The following MAGI2 variants were observed in gnomAD, a reference collection of about 807,000 sequenced individuals.
MAGI2 encodes the protein membrane associated guanylate kinase, WW and PDZ domain containing 2.
Under a neutral mutation model 133.3 loss-of-function variants are expected in MAGI2, and 35 were observed. That is an observed-to-expected ratio of 0.26 (90% confidence interval 0.20 to 0.35). MAGI2 has a LOEUF of 0.35. Among genes scored for constraint, MAGI2 ranks in the 10% least tolerant of loss-of-function variants. The pLI, the probability that MAGI2 is intolerant of heterozygous loss-of-function variation, is 1.00. For synonymous variants in MAGI2, 729 were observed against 710.6 expected (o/e 1.03, Z -0.41); for missense variants, 1,636 against 1,863.4 (o/e 0.88, Z 2.25).
rs544931399 is a variant in MAGI2, at chr7:78,721,534, A to G, written c.419-94295T>C. On this transcript the variant is annotated intron_variant, in intron 2 of 21. Transcript: ENST00000354212. ...ACAGAGGCAGGTCCCGGGTAGATGC[A>G]GAATTTTGAAAGGAACATATTGAAA... 2.6e-5 allele frequency among the ~76,000 whole-genome samples: 4 copies of G among 152,180 alleles called. No homozygotes were observed. In the South Asian group the frequency reaches 8.3e-4, roughly 31 times the overall value.
At chr7:78,885,618 T>TGAAA (rs1001087116) in intron 2 of MAGI2, among the ~76,000 whole-genome samples, 8 of 135,700 alleles carry the variant, frequency 5.9e-5, no homozygotes, top group African/African-American at 2.1e-4. Flanking sequence ...CATCCTTTAT[T>TGAAA]GAAAGGAATA....
chr7:79,042,183 T>C (rs1261717905), intron 1 of MAGI2, among the ~76,000 whole-genome samples: 1 of 152,182 alleles, frequency 6.6e-6, no homozygotes, highest in Non-Finnish European at 1.5e-5. Flanking sequence ...TGAACAAGAC[T>C]TTGCAGTTTC....
intron 2 of MAGI2, among the ~76,000 whole-genome samples, chr7:78,931,457 C>T (rs1395303051): frequency 6.6e-6 from 1 of 152,092 alleles, no homozygotes; most frequent in Non-Finnish European, 1.5e-5. Flanking sequence ...TCCTTTTCTA[C>T]TATGACAGGC....
Position 78,571,958 on chromosome 7 carries a change from T to C in MAGI2, c.539-50313A>G, listed in dbSNP as rs117399978. 5.0e-3 allele frequency among the ~76,000 whole-genome samples: 757 copies of C among 152,288 alleles called. 6 individuals are homozygous for C. The highest frequency in any genetic ancestry group is 7.4e-3 in the Non-Finnish European group (501 of 68,026). On this transcript the variant is annotated intron_variant, in intron 3 of 21. Transcript: ENST00000354212. Reference sequence around the variant, plus strand: ...ACATTCAATTTCTGATATGGCAAAGTCCTGGCACGCAGGACTTACCACTAT... The same window carrying C: ...ACATTCAATTTCTGATATGGCAAAGCCCTGGCACGCAGGACTTACCACTAT...
chr7:79,367,400 A>G (rs1032526896), intron 1 of MAGI2, among the ~76,000 whole-genome samples: 1 of 152,182 alleles, frequency 6.6e-6, no homozygotes, highest in African/African-American at 2.4e-5. Context: ...AGTTTTAAAC[A>G]AAATGGAGTG....
At chr7:78,083,387 G>GGAGAGGGAGAGAGA (rs1816232684) in intron 20 of MAGI2, among the ~76,000 whole-genome samples, 4 of 33,300 alleles carry the variant, frequency 1.2e-4, no homozygotes, top group African/African-American at 5.2e-4. Flanking sequence ...AGGGAGGGGG[G>GGAGAGGGAGAGAGA]GAGAGAGAGA....
intron 18 of MAGI2, among the ~76,000 whole-genome samples, chr7:78,131,567 G>A (rs1821565723): frequency 6.6e-6 from 1 of 152,128 alleles, no homozygotes; most frequent in Non-Finnish European, 1.5e-5. Context: ...CCAGTGAGGG[G>A]TTTATATGCA....
At chr7:78,986,490 T>C (rs772589417) in intron 2 of MAGI2, among the ~76,000 whole-genome samples, 3 of 151,276 alleles carry the variant, frequency 2.0e-5, no homozygotes, top group Non-Finnish European at 2.9e-5. Context: ...CAAACCGGTC[T>C]TTTTTTTTCC....
At chr7:78,344,716 A>G (rs1790724969) in intron 8 of MAGI2, among the ~76,000 whole-genome samples, 1 of 152,210 alleles carries the variant, frequency 6.6e-6, no homozygotes, top group Non-Finnish European at 1.5e-5. Context: ...ATGTAAAGGT[A>G]ACACATTTTG....
At chr7:79,153,179 C>T (rs754664888) in intron 1 of MAGI2, among the ~76,000 whole-genome samples, 3 of 152,086 alleles carry the variant, frequency 2.0e-5, no homozygotes, top group Non-Finnish European at 2.9e-5. Context: ...GTTGAGAATG[C>T]TTTCAATTTT....
intron 4 of MAGI2, among the ~76,000 whole-genome samples, chr7:78,507,888 A>G (rs574144440): frequency 1.3e-5 from 2 of 152,366 alleles, no homozygotes; most frequent in Admixed American, 1.3e-4. Context: ...TAGGGCTGCC[A>G]TAATTAAACA....
chr7:78,991,206 T>G (rs774545792), intron 2 of MAGI2, among the ~76,000 whole-genome samples: 1 of 151,902 alleles, frequency 6.6e-6, no homozygotes, highest in Non-Finnish European at 1.5e-5. Context: ...GTAAGTTTCC[T>G]GTGGCCTCCC....
At chr7:79,325,773 C>T (rs1028291344) in intron 1 of MAGI2, among the ~76,000 whole-genome samples, 1 of 152,082 alleles carries the variant, frequency 6.6e-6, no homozygotes, top group African/African-American at 2.4e-5. Context: ...AATGGGAATC[C>T]TCCAAATACG....
At chr7:78,602,144 A>G (rs1805271082) in intron 3 of MAGI2, among the ~76,000 whole-genome samples, 1 of 151,840 alleles carries the variant, frequency 6.6e-6, no homozygotes, top group African/African-American at 2.4e-5. Context: ...TAATTTCAGG[A>G]GATTAAGTAC....
At chr7:79,127,458 C>T (rs1820526551) in intron 1 of MAGI2, among the ~76,000 whole-genome samples, 1 of 151,978 alleles carries the variant, frequency 6.6e-6, no homozygotes, top group African/African-American at 2.4e-5. Context: ...CTCTCCAGCA[C>T]CTGTTGTTTC....
intron 2 of MAGI2, among the ~76,000 whole-genome samples, chr7:78,776,160 G>A (rs1825971576): frequency 6.6e-6 from 1 of 152,282 alleles, no homozygotes; most frequent in African/African-American, 2.4e-5. Flanking sequence ...TTCTCATTAA[G>A]TGTTAATTAT....
intron 2 of MAGI2, among the ~76,000 whole-genome samples, chr7:78,992,497 T>G (rs977929764): frequency 6.6e-6 from 1 of 152,032 alleles, no homozygotes; most frequent in Non-Finnish European, 1.5e-5. Flanking sequence ...ACAACCACAT[T>G]TTTTATAACC....
At chr7:78,257,756 T>C (rs1793137640) in intron 9 of MAGI2, among the ~76,000 whole-genome samples, 2 of 152,242 alleles carry the variant, frequency 1.3e-5, no homozygotes, top group Non-Finnish European at 2.9e-5. Flanking sequence ...CAAATTGAGA[T>C]TGTGCCTGAC....
chr7:78,771,712 G>C (rs1433922450), intron 2 of MAGI2, among the ~76,000 whole-genome samples: 1 of 151,396 alleles, frequency 6.6e-6, no homozygotes, highest in African/African-American at 2.4e-5. Context: ...TCTTTTCTTT[G>C]ACATCCATTT....
Sources: allele counts gnomAD v4.1 joint callset (sites outside exome capture counted in the v4.1 genomes callset), GRCh38; gene constraint gnomAD v4.1.1; transcripts MANE v1.5; gene names NCBI Gene and HGNC (gene_info 2026-07-23, HGNC 2026-07-21).